Variants in TBC1D4 observed in about 807,000 individuals in gnomAD.
TBC1D4 encodes the protein TBC1 domain family member 4.
Under a neutral mutation model 142.5 loss-of-function variants are expected in TBC1D4, and 121 were observed. The ratio of observed to expected loss-of-function variants is 0.85; its 90% confidence interval spans 0.73 to 0.99. TBC1D4 has a LOEUF of 0.99. Among genes scored for constraint, TBC1D4 ranks in the 50% least tolerant of loss-of-function variants. The probability of loss-of-function intolerance (pLI) is 0.00; values close to 1 mark genes in which losing one functional copy is unlikely to be tolerated. For synonymous variants in TBC1D4, 630 were observed against 628.2 expected (o/e 1.00, Z -0.04); for missense variants, 1,475 against 1,606.6 (o/e 0.92, Z 1.40).
intron 1 of TBC1D4, among the ~76,000 whole-genome samples, chr13:75,396,830 T>C (rs17064351): frequency 1.3e-5 from 2 of 151,946 alleles, no homozygotes; most frequent in Non-Finnish European, 2.9e-5. Context: ...CCTATGACAC[T>C]GAAAAAAATT....
intron 1 of TBC1D4, among the ~76,000 whole-genome samples, chr13:75,459,001 C>T (rs906798299): frequency 6.6e-6 from 1 of 152,122 alleles, no homozygotes. Flanking sequence ...TCCTTACCTC[C>T]TCCACTACTC....
chr13:75,326,277 CTT>C lies in TBC1D4; in HGVS notation c.1951_1952del (p.Lys651GlufsTer24). 1 of 1,614,114 alleles carries C rather than the reference CTT, an allele frequency of 6.2e-7. No homozygotes were observed. Among genetic ancestry groups the C allele is most frequent in the Non-Finnish European group, 8.5e-7 (1 of 1,180,022 alleles). Reference protein sequence around the residue: ...HTFSHPPSSTKRKLNLQDGRA... With the variant: ...HTFSHPPSSTXRKLNLQDGRA... ...TCCCATCCTGCAAATTCAGCTTTCTCTTTGTGCTTGAAGGTGGGTGGCTGAAC... is the reference window on the plus strand; with the variant it reads ...TCCCATCCTGCAAATTCAGCTTTCTCTGTGCTTGAAGGTGGGTGGCTGAAC... On this transcript the variant is annotated frameshift_variant, in exon 10 of 21. Transcript: ENST00000377636. LOFTEE classifies it high-confidence loss of function.
At chr13:75,429,029 C>A (rs1886489280) in intron 1 of TBC1D4, among the ~76,000 whole-genome samples, 1 of 152,196 alleles carries the variant, frequency 6.6e-6, no homozygotes, top group Non-Finnish European at 1.5e-5. Context: ...CCACAAATTT[C>A]TCAAACCACA....
chr13:75,397,792 G>A (rs1254627309), intron 1 of TBC1D4, among the ~76,000 whole-genome samples: 1 of 152,172 alleles, frequency 6.6e-6, no homozygotes, highest in Non-Finnish European at 1.5e-5. Flanking sequence ...CCCTCGTATA[G>A]TAGACTAGAG....
intron 1 of TBC1D4, among the ~76,000 whole-genome samples, chr13:75,412,987 T>C (rs1885741968): frequency 6.6e-6 from 1 of 152,106 alleles, no homozygotes; most frequent in Non-Finnish European, 1.5e-5. Context: ...ACAGGAATGG[T>C]CCCTTGCAAC....
intron 4 of TBC1D4, among the ~76,000 whole-genome samples, chr13:75,349,646 C>A (rs939205680): frequency 6.6e-6 from 1 of 152,102 alleles, no homozygotes; most frequent in Non-Finnish European, 1.5e-5. Flanking sequence ...GATAAAGATC[C>A]TTTTGGAAGT....
chr13:75,432,589 A>G (rs1886637181), intron 1 of TBC1D4, among the ~76,000 whole-genome samples: 1 of 152,206 alleles, frequency 6.6e-6, no homozygotes, highest in Admixed American at 6.5e-5. Context: ...GTTAGTTAAA[A>G]ATGAAATGGC....
In TBC1D4 at chr13:75,362,443, G is replaced by A. The variant is rs1882611300; in HGVS notation, c.663C>T (p.Leu221=). The change falls in exon 2 of 21, where the codon CTC becomes CTT. Residue 221 remains leucine (L), a synonymous_variant. Coordinates refer to ENST00000377636, the MANE Select transcript of TBC1D4 (RefSeq NM_014832.5). The surrounding 1 kb of genome is among the most constrained non-coding windows in gnomAD (Gnocchi z 4.2). ...TVTHKKAPSS[L]IDDCMEKFSL... ...TGAACTTCTCCATGCAGTCATCGAT[G>A]AGGCTTGAGGGGGCCTTCTTGTGGG... The A allele has an allele frequency of 1.2e-6, 2 of 1,614,242 alleles. No homozygotes were observed.
At chr13:75,348,666 A>G (rs1251311434) in intron 5 of TBC1D4, among the ~76,000 whole-genome samples, 2 of 152,128 alleles carry the variant, frequency 1.3e-5, no homozygotes, top group Admixed American at 6.6e-5. Flanking sequence ...CACCTCTATT[A>G]TCTCTGTCAT....
chr13:75,313,452 T>C (rs1038807277), intron 12 of TBC1D4, among the ~76,000 whole-genome samples: 7 of 152,190 alleles, frequency 4.6e-5, no homozygotes, highest in African/African-American at 1.4e-4. Flanking sequence ...TGGTAGGTGA[T>C]ATACTAAGAA....
intron 1 of TBC1D4, among the ~76,000 whole-genome samples, chr13:75,370,642 G>A (rs1594530): frequency 0.75 from 114,672 of 152,064 alleles, 43,291 homozygotes; most frequent in South Asian, 0.86. Flanking sequence ...AAAATGGAGC[G>A]ACAATAGGAC....
At chr13:75,326,624 A>C (rs1879290468) in intron 9 of TBC1D4, among the ~76,000 whole-genome samples, 1 of 152,212 alleles carries the variant, frequency 6.6e-6, no homozygotes, top group East Asian at 1.9e-4. Context: ...AAGCAGCTGT[A>C]ATCAGTATCA....
intron 1 of TBC1D4, among the ~76,000 whole-genome samples, chr13:75,453,341 T>C (rs1887603581): frequency 1.3e-5 from 2 of 152,054 alleles, no homozygotes; most frequent in South Asian, 2.1e-4. Context: ...ATTTCATATA[T>C]CATAGCCTTT....
At chr13:75,451,361 AT>A (rs1593900646) in intron 1 of TBC1D4, among the ~76,000 whole-genome samples, 2 of 151,866 alleles carry the variant, frequency 1.3e-5, no homozygotes, top group African/African-American at 4.8e-5. Context: ...TCAGTAGATA[AT>A]TTTTTTCTGT....
intron 7 of TBC1D4, among the ~76,000 whole-genome samples, chr13:75,340,364 A>G (rs990087500): frequency 6.6e-6 from 1 of 152,226 alleles, no homozygotes; most frequent in Non-Finnish European, 1.5e-5. Context: ...AGCAGAGGAT[A>G]AATTCTAGAC....
At chr13:75,289,486 C>G (rs913750413) in intron 19 of TBC1D4, among the ~76,000 whole-genome samples, 2 of 151,642 alleles carry the variant, frequency 1.3e-5, no homozygotes, top group African/African-American at 4.8e-5. Flanking sequence ...ACTAGATAAA[C>G]AACATTAGTT....
At chr13:75,433,470 T>C (rs1365418237) in intron 1 of TBC1D4, among the ~76,000 whole-genome samples, 1 of 152,166 alleles carries the variant, frequency 6.6e-6, no homozygotes, top group Non-Finnish European at 1.5e-5. Flanking sequence ...CTGTCCCTTG[T>C]TAAGAAATGA....
intron 20 of TBC1D4, among the ~76,000 whole-genome samples, chr13:75,288,222 CAA>C (rs892145713): frequency 1.3e-5 from 2 of 152,084 alleles, no homozygotes; most frequent in Admixed American, 1.3e-4. Flanking sequence ...CCCTCTCTTC[CAA>C]TTTCCATTTT....
At position 75,287,189 on chromosome 13, in the gene TBC1D4, T is replaced by C. The variant is rs73220004; in HGVS notation, c.3664-164A>G. 4.0e-3 allele frequency among the ~76,000 whole-genome samples: 612 copies of C among 152,282 alleles called. 3 individuals are homozygous for C. The highest frequency in any genetic ancestry group is 6.9e-3 in the Non-Finnish European group (467 of 68,026). ...GATGATTTATTAGGTTTCACAAAGATGTAACTATGGAACTACCATGCTTCA... is the reference window on the plus strand; with the variant it reads ...GATGATTTATTAGGTTTCACAAAGACGTAACTATGGAACTACCATGCTTCA... On this transcript the variant is annotated intron_variant, in intron 20 of 20. Coordinates refer to ENST00000377636, the MANE Select transcript of TBC1D4 (RefSeq NM_014832.5).
Sources: gnomAD v4.1 joint callset for allele counts (sites outside exome capture counted in the v4.1 genomes callset) on GRCh38, gnomAD v4.1.1 for gene constraint, Gnocchi (gnomAD v3.1) non-coding constraint, MANE v1.5 for transcripts, NCBI Gene and HGNC (gene_info 2026-07-23, HGNC 2026-07-21) for gene names.